Variants in BEND7 observed in about 807,000 individuals in gnomAD.
The protein encoded by BEND7 is BEN domain containing 7.
Under a neutral mutation model 50.9 loss-of-function variants are expected in BEND7, and 28 were observed. The observed-to-expected ratio is 0.55, with a 90% CI of 0.41 to 0.75. BEND7 has a LOEUF of 0.75. Ranked by LOEUF, BEND7 falls within the 30% of genes least tolerant of loss-of-function variation. The pLI is 0.00. For synonymous variants in BEND7, 170 were observed against 183.9 expected, an observed-to-expected ratio of 0.92 and a Z score of 0.61; for missense variants, 477 against 491.3, an observed-to-expected ratio of 0.97 and a Z score of 0.28.
intron 5 of BEND7, among the ~76,000 whole-genome samples, chr10:13,490,177 C>T (rs1033635105): frequency 4.6e-5 from 7 of 152,144 alleles, no homozygotes; most frequent in South Asian, 4.1e-4. Flanking sequence ...GGTGACACTA[C>T]GAGTCACAAC....
At chr10:13,483,691 A>C (rs1201325834) in intron 5 of BEND7, among the ~76,000 whole-genome samples, 2 of 152,174 alleles carry the variant, frequency 1.3e-5, no homozygotes, top group African/African-American at 4.8e-5. Context: ...CTCCATGTGT[A>C]GGAATCTGAA....
intron 6 of BEND7, among the ~76,000 whole-genome samples, chr10:13,463,752 G>A (rs1200484300): frequency 2.6e-5 from 4 of 152,080 alleles, no homozygotes; most frequent in Non-Finnish European, 4.4e-5. Context: ...TCTCAACTTC[G>A]GTAAGATAAA....
downstream of BEND7, chr10:13,439,070 T>C (rs1039338059): frequency 3.4e-6 from 4 of 1,159,564 alleles, no homozygotes; most frequent in Admixed American, 7.2e-5. Context: ...ATCCTGAACA[T>C]GTTTTCACCA....
intron 2 of BEND7, among the ~76,000 whole-genome samples, chr10:13,511,748 C>G (rs2078288598): frequency 6.6e-6 from 1 of 152,302 alleles, no homozygotes; most frequent in Admixed American, 6.5e-5. Flanking sequence ...CTGGTAAGCA[C>G]CCTGCCTACA....
chr10:13,496,666 G>A (rs1402841409), intron 4 of BEND7, 100 bp downstream of exon 4: 2 of 1,359,960 alleles, frequency 1.5e-6, no homozygotes, highest in Non-Finnish European at 1.0e-6. Context: ...ACAGCAAGGT[G>A]AGAAGAAGGC....
chr10:13,511,616 G>T (rs182439204), intron 2 of BEND7, among the ~76,000 whole-genome samples: 7 of 152,224 alleles, frequency 4.6e-5, no homozygotes, highest in African/African-American at 1.4e-4. Context: ...ACATGCTAAG[G>T]CCACTTTCTC....
At chr10:13,450,439 T>C (rs1410030290) in intron 7 of BEND7, among the ~76,000 whole-genome samples, 1 of 152,220 alleles carries the variant, frequency 6.6e-6, no homozygotes, top group Non-Finnish European at 1.5e-5. Context: ...CAAGTGGTTC[T>C]AGTTTCAATT....
At chr10:13,457,372 A>G (rs1171665463) in intron 6 of BEND7, among the ~76,000 whole-genome samples, 1 of 152,258 alleles carries the variant, frequency 6.6e-6, no homozygotes, top group Non-Finnish European at 1.5e-5. Context: ...CTAAAAGGGC[A>G]GCCGTGTCTG....
chr10:13,516,781 C>T (rs2078708903), intron 2 of BEND7, among the ~76,000 whole-genome samples: 1 of 152,086 alleles, frequency 6.6e-6, no homozygotes, highest in South Asian at 2.1e-4. Flanking sequence ...ATGTGCCAGA[C>T]ACTGTTCTGC....
intron 2 of BEND7, among the ~76,000 whole-genome samples, chr10:13,519,414 T>C (rs1218259459): frequency 1.3e-5 from 2 of 151,520 alleles, no homozygotes; most frequent in South Asian, 2.1e-4. Context: ...AGGTGGAGCT[T>C]GCAGTGAGCC....
At chr10:13,526,792 T>C (rs968965790) in intron 1 of BEND7, among the ~76,000 whole-genome samples, 2 of 152,226 alleles carry the variant, frequency 1.3e-5, no homozygotes, top group African/African-American at 4.8e-5. Context: ...GCTACTGCAC[T>C]TTATTTAATA....
rs567655453 is a variant in BEND7 at position 13,449,353 on chromosome 10, C to T, written c.1184-2037G>A. Among the ~76,000 whole-genome samples the T allele has an allele frequency of 8.5e-5, 13 of 152,196 alleles. 1 individual carries two copies. The highest frequency in any genetic ancestry group is 2.1e-4 in the South Asian group (1 of 4,816). On this transcript the variant is annotated intron_variant, in intron 7 of 8. Coordinates refer to ENST00000466271, the MANE Select transcript of BEND7 (RefSeq NM_001369863.1). ...ATAATCACCATGTATTAAATGCTCA[C>T]GGGGCACTTGACATGCAGTGTGTCG... is the stretch of plus-strand genomic sequence containing the variant.
chr10:13,494,325 G>A (rs1343483574), intron 4 of BEND7, among the ~76,000 whole-genome samples: 1 of 152,206 alleles, frequency 6.6e-6, no homozygotes, highest in Non-Finnish European at 1.5e-5. Flanking sequence ...GCTGAGGCAG[G>A]AGAATCACTT....
intron 6 of BEND7, among the ~76,000 whole-genome samples, chr10:13,468,355 C>T (rs1431283333): frequency 6.6e-5 from 10 of 152,144 alleles, no homozygotes; most frequent in Admixed American, 5.2e-4. Context: ...AAGGGCACCA[C>T]GGCCCTGTGG....
intron 3 of BEND7, among the ~76,000 whole-genome samples, chr10:13,497,483 G>A (rs1159613746): frequency 6.6e-6 from 1 of 152,198 alleles, no homozygotes; most frequent in East Asian, 1.9e-4. Flanking sequence ...AATTGGATGC[G>A]TTCGAGGGTA....
At chr10:13,441,891 CAT>C in intron 8 of BEND7, 141 bp from the exon 9 acceptor site, 2 of 803,394 alleles carry the variant, frequency 2.5e-6, no homozygotes, top group South Asian at 1.7e-5. Context: ...AGAAGCCACA[CAT>C]ATATGAGATG....
chr10:13,515,063 G>T (rs958886048), intron 2 of BEND7, among the ~76,000 whole-genome samples: 1 of 152,134 alleles, frequency 6.6e-6, no homozygotes, highest in Admixed American at 6.5e-5. Flanking sequence ...CTTATGTAGC[G>T]TTCCACTGTT....
chr10:13,518,029 T>C (rs1415610649), intron 2 of BEND7, among the ~76,000 whole-genome samples: 1 of 152,256 alleles, frequency 6.6e-6, no homozygotes, highest in Non-Finnish European at 1.5e-5. Flanking sequence ...ACTGTATAGA[T>C]GGCCATATGA....
chr10:13,513,369 G>A (rs1337964457), intron 2 of BEND7, among the ~76,000 whole-genome samples: 2 of 152,104 alleles, frequency 1.3e-5, no homozygotes, highest in African/African-American at 4.8e-5. Context: ...CCACCTCAGG[G>A]CTCCAGAGCC....
Sources: gnomAD v4.1 joint callset for allele counts (sites outside exome capture counted in the v4.1 genomes callset) on GRCh38, gnomAD v4.1.1 for gene constraint, MANE v1.5 for transcripts, NCBI Gene and HGNC (gene_info 2026-07-23, HGNC 2026-07-21) for gene names.